Variants in ADGRV1 observed in about 807,000 individuals in gnomAD.
ADGRV1 encodes the protein G-protein coupled receptor 98.
In ADGRV1, 359 loss-of-function variants were observed where a neutral mutation model predicts 596.2. That is an observed-to-expected ratio of 0.60 (90% confidence interval 0.55 to 0.66). The LOEUF (loss-of-function observed/expected upper bound fraction) is 0.66, where lower values mean the gene tolerates loss of function less well. ADGRV1 is among the 30% of genes least tolerant of loss of function. The probability of loss-of-function intolerance (pLI) is 0.00; values close to 1 mark genes in which losing one functional copy is unlikely to be tolerated. For synonymous variants in ADGRV1, 2,681 were observed against 2,679.2 expected, an observed-to-expected ratio of 1.00 and a Z score of -0.02; for missense variants, 7,274 against 7,575.6, an observed-to-expected ratio of 0.96 and a Z score of 1.48.
intron 1 of ADGRV1, among the ~76,000 whole-genome samples, chr5:90,595,458 C>T (rs1431829881): frequency 1.5e-3 from 94 of 62,938 alleles, no homozygotes; most frequent in Non-Finnish European, 2.2e-3. Flanking sequence ...ACCTCCTTCC[C>T]GGACGGGGCG....
chr5:91,098,757 C>G (rs1355997753), intron 86 of ADGRV1, among the ~76,000 whole-genome samples: 1 of 150,776 alleles, frequency 6.6e-6, no homozygotes, highest in Non-Finnish European at 1.5e-5. Flanking sequence ...TAAGCTCTGT[C>G]AGCACATACC....
At chr5:91,103,869 A>G (rs1260916076) in intron 87 of ADGRV1, among the ~76,000 whole-genome samples, 2 of 152,200 alleles carry the variant, frequency 1.3e-5, no homozygotes, top group African/African-American at 4.8e-5. Flanking sequence ...CAAGGCTGCA[A>G]GAAGGGAAAA....
chr5:90,930,846 A>G (rs186357203), intron 83 of ADGRV1, among the ~76,000 whole-genome samples: 1 of 152,304 alleles, frequency 6.6e-6, no homozygotes, highest in Non-Finnish European at 1.5e-5. Context: ...ATAATATAGA[A>G]TATCCAATTC....
intron 25 of ADGRV1, among the ~76,000 whole-genome samples, chr5:90,677,864 G>A (rs1294977713): frequency 2.0e-5 from 3 of 152,154 alleles, no homozygotes; most frequent in African/African-American, 4.8e-5. Context: ...GGACTCATAT[G>A]TAGGGACTGT....
intron 75 of ADGRV1, among the ~76,000 whole-genome samples, chr5:90,818,801 G>T (rs908638174): frequency 0.038 from 5,782 of 151,466 alleles, 389 homozygotes; most frequent in African/African-American, 0.13. Flanking sequence ...TTGATGTGCT[G>T]CTGGATTCGT....
At chr5:90,778,643 T>G (rs1011382103) in intron 63 of ADGRV1, 34 bp downstream of exon 63, 2 of 1,449,360 alleles carry the variant, frequency 1.4e-6, no homozygotes, top group African/African-American at 1.4e-5. Context: ...TTTAATATCA[T>G]TTTTATTTTT....
intron 33 of ADGRV1, 92 bp from the exon 34 acceptor site, chr5:90,696,845 C>A: frequency 2.3e-6 from 2 of 869,344 alleles, no homozygotes; most frequent in Non-Finnish European, 3.5e-6. Context: ...TTTTATTTAA[C>A]TTTTAAACAT....
At chr5:90,660,940 T>G (rs1770186841) in intron 21 of ADGRV1, among the ~76,000 whole-genome samples, 1 of 152,156 alleles carries the variant, frequency 6.6e-6, no homozygotes, top group Admixed American at 6.5e-5. Context: ...CCAGGTACAC[T>G]ATGTCCCGGC....
chr5:90,788,892 A>ACT (rs1342199941), intron 68 of ADGRV1, among the ~76,000 whole-genome samples: 1 of 147,104 alleles, frequency 6.8e-6, no homozygotes, highest in South Asian at 2.2e-4. Context: ...ACACACACAC[A>ACT]CTCACACACA....
intron 84 of ADGRV1, among the ~76,000 whole-genome samples, chr5:90,976,646 A>G (rs1779641010): frequency 6.6e-6 from 1 of 152,072 alleles, no homozygotes; most frequent in South Asian, 2.1e-4. Flanking sequence ...CATGAGGTAA[A>G]TAAATTGCAA....
intron 85 of ADGRV1, among the ~76,000 whole-genome samples, chr5:91,060,399 T>TATATATA (rs61065807): frequency 8.3e-4 from 18 of 21,560 alleles, no homozygotes; most frequent in African/African-American, 1.8e-3. Flanking sequence ...TATATATATA[T>TATATATA]TTTTTTTTTT....
At chr5:90,729,785 C>A in intron 50 of ADGRV1, 21 bp downstream of exon 50, 1 of 1,610,526 alleles carries the variant, frequency 6.2e-7, no homozygotes, top group Non-Finnish European at 8.5e-7. Context: ...TTCAACTGCT[C>A]ACCAATTCTA....
Position 90,653,530 on chromosome 5 carries a change from G to C in ADGRV1, c.3956G>C (p.Arg1319Pro), listed in dbSNP as rs73181648. 1.9e-6 allele frequency: 3 copies of C among 1,613,868 alleles called. No individual in the cohort carries two copies. The South Asian group carries it at 3.3e-5, about 18-fold the overall frequency. ...PTTVHLQQHM[R>P]RHHSGTDALY... ...ACCGTGCATTTACAACAGCACATGC[G>C]GCGTCACCACAGTGGAACGGATGCT... The change falls in exon 20 of 90, where the codon CGG becomes CCG. Residue 1319 changes from arginine (R) to proline (P), a missense_variant. Arg to Pro is a moderately radical substitution (Grantham distance 103). Coordinates refer to ENST00000405460, the MANE Select transcript of ADGRV1 (RefSeq NM_032119.4).
chr5:91,030,964 G>T, intron 85 of ADGRV1: 1 of 1,221,642 alleles, frequency 8.2e-7, no homozygotes. Flanking sequence ...TGTAATCAAA[G>T]GAAAAAACGT....
At chr5:90,969,530 G>C (rs1186384618) in intron 84 of ADGRV1, among the ~76,000 whole-genome samples, 1 of 152,192 alleles carries the variant, frequency 6.6e-6, no homozygotes, top group African/African-American at 2.4e-5. Context: ...CCTTGCCTCT[G>C]TTTCTTCAGG....
intron 83 of ADGRV1, among the ~76,000 whole-genome samples, chr5:90,952,959 A>G (rs1777171708): frequency 6.6e-6 from 1 of 152,152 alleles, no homozygotes; most frequent in Non-Finnish European, 1.5e-5. Context: ...GTTCACATAA[A>G]AGGAAAACCA....
In ADGRV1 at chr5:90,578,741, G is replaced by A. The variant is rs549802919; in HGVS notation, c.22+19824G>A. Among the ~76,000 whole-genome samples the A allele has an allele frequency of 8.5e-5, 13 of 152,156 alleles. 1 individual carries two copies. The highest frequency in any genetic ancestry group is 1.7e-4 in the African/African-American group (7 of 41,552). On this transcript the variant is annotated intron_variant, in intron 1 of 89. Coordinates refer to ENST00000405460, the MANE Select transcript of ADGRV1 (RefSeq NM_032119.4). ...AATTCGGCTGTGAATCCGTCTGGTC[G>A]TGGACTTTTTTGGTTGGTAGGCTAT...
At position 91,057,376 on chromosome 5, in the gene ADGRV1, T is replaced by A. The variant is rs577448403; in HGVS notation, c.18153-15071T>A. On this transcript the variant is annotated intron_variant, in intron 85 of 89. Transcript: ENST00000405460. The stretch of plus-strand genomic sequence containing the variant: ...TGGCCCAGCTCCACAATTAAGAAGT[T>A]TGGCTACAATTAAAAACTTAAGAAT... Among the ~76,000 whole-genome samples the A allele has an allele frequency of 2.6e-5, 4 of 152,340 alleles. No homozygotes were observed. The East Asian group carries it at 7.7e-4, about 29-fold the overall frequency.
intron 83 of ADGRV1, among the ~76,000 whole-genome samples, chr5:90,900,346 T>A (rs929164720): frequency 2.0e-5 from 3 of 150,960 alleles, no homozygotes; most frequent in Admixed American, 6.6e-5. Flanking sequence ...TTTTTTTTTT[T>A]AAATCTAGAT....
Sources: gnomAD v4.1 joint callset for allele counts (sites outside exome capture counted in the v4.1 genomes callset) on GRCh38, gnomAD v4.1.1 for gene constraint, MANE v1.5 for transcripts, NCBI Gene and HGNC (gene_info 2026-07-23, HGNC 2026-07-21) for gene names.